The following DNAAF9 variants were observed in gnomAD, a reference collection of about 807,000 sequenced individuals.
DNAAF9 encodes the protein dynein axonemal assembly factor 9.
In DNAAF9, 90 loss-of-function variants were observed where a neutral mutation model predicts 167.0. The observed-to-expected ratio is 0.54, with a 90% confidence interval of 0.45 to 0.64. The LOEUF (loss-of-function observed/expected upper bound fraction) is 0.64, where lower values mean the gene tolerates loss of function less well. Among genes scored for constraint, DNAAF9 ranks in the 30% least tolerant of loss-of-function variants. The probability of loss-of-function intolerance (pLI) is 0.00; values close to 1 mark genes in which losing one functional copy is unlikely to be tolerated. For synonymous variants in DNAAF9, 491 were observed against 508.8 expected (o/e 0.96, Z 0.47); for missense variants, 1,315 against 1,442.2 (o/e 0.91, Z 1.43).
In DNAAF9 at chr20:3,273,911, A is replaced by G. The variant is rs191570764; in HGVS notation, c.2651-3349T>C. ...AAAAGTGTTGAGTATAATTTTTTCC[A>G]CAAGTAGTGACACATTACACTGTTC... On this transcript the variant is annotated intron_variant, in intron 29 of 36. Transcript: ENST00000252032. Among the ~76,000 whole-genome samples the G allele has an allele frequency of 2.6e-5, 4 of 152,180 alleles. No homozygotes were observed. In the East Asian group the frequency reaches 7.7e-4, roughly 29 times the overall value.
chr20:3,305,845 T>C (rs572951612), intron 20 of DNAAF9, among the ~76,000 whole-genome samples: 3 of 152,226 alleles, frequency 2.0e-5, no homozygotes, highest in Non-Finnish European at 2.9e-5. Flanking sequence ...CCAGCGACTA[T>C]CTAGGTTCAA....
At chr20:3,377,158 T>C (rs1453228209) in intron 3 of DNAAF9, among the ~76,000 whole-genome samples, 1 of 152,232 alleles carries the variant, frequency 6.6e-6, no homozygotes, top group East Asian at 1.9e-4. Flanking sequence ...GTTCTTATTA[T>C]GCAAGTAAAG....
chr20:3,321,783 G>A (rs1045306555), intron 16 of DNAAF9, among the ~76,000 whole-genome samples: 6 of 152,080 alleles, frequency 3.9e-5, no homozygotes, highest in African/African-American at 1.4e-4. Flanking sequence ...ACGCTGTCAA[G>A]ACTGGTCTCA....
chr20:3,343,861 G>C, intron 8 of DNAAF9, 130 bp from the exon 9 acceptor site: 1 of 590,308 alleles, frequency 1.7e-6, no homozygotes, highest in African/African-American at 1.9e-5. Flanking sequence ...GTGTGTGTGC[G>C]TGTGTGCATG....
chr20:3,312,427 A>C (rs773138075), intron 20 of DNAAF9, among the ~76,000 whole-genome samples: 9 of 152,008 alleles, frequency 5.9e-5, no homozygotes, highest in Non-Finnish European at 1.3e-4. Context: ...GGGGCTTTAA[A>C]AAAAAAAAAG....
chr20:3,301,691 G>A (rs1281863827), intron 21 of DNAAF9, among the ~76,000 whole-genome samples: 1 of 151,964 alleles, frequency 6.6e-6, no homozygotes, highest in Non-Finnish European at 1.5e-5. Context: ...TACTATATTA[G>A]TGTAATTTAA....
At chr20:3,258,370 T>C (rs1180503284) in intron 33 of DNAAF9, among the ~76,000 whole-genome samples, 1 of 152,114 alleles carries the variant, frequency 6.6e-6, no homozygotes, top group Non-Finnish European at 1.5e-5. Flanking sequence ...ATCTGAACCA[T>C]GATGGTTCTA....
At chr20:3,258,847 G>A (rs2068328467) in intron 33 of DNAAF9, among the ~76,000 whole-genome samples, 1 of 152,118 alleles carries the variant, frequency 6.6e-6, no homozygotes, top group African/African-American at 2.4e-5. Flanking sequence ...CTACTCCCAG[G>A]CTCCAGTTAC....
chr20:3,397,417 C>G (rs941363797), intron 1 of DNAAF9, among the ~76,000 whole-genome samples: 1 of 152,132 alleles, frequency 6.6e-6, no homozygotes, highest in African/African-American at 2.4e-5. Flanking sequence ...CTCCTGGGTT[C>G]ACACCATTCT....
At chr20:3,255,453 T>C (rs139442397) in intron 34 of DNAAF9, among the ~76,000 whole-genome samples, 169 bp from the exon 35 acceptor site, 1 of 152,152 alleles carries the variant, frequency 6.6e-6, no homozygotes, top group African/African-American at 2.4e-5. Flanking sequence ...AGAAAACCAC[T>C]TTCCCATCAC....
chr20:3,307,234 C>T lies in DNAAF9; in HGVS notation c.1679-2691G>A, dbSNP rs1056998172. 6.5e-6 allele frequency: 5 copies of T among 774,316 alleles called. No individual in the cohort carries two copies. In the African/African-American group the frequency reaches 9.5e-5, roughly 15 times the overall value. 48.0% of individuals were successfully genotyped at this position (774,316 alleles called of 1,614,324 possible). ...AGGAAGACAAATTCACAAGACAGTG[C>T]TGGAAGAGCTCATTATGGGGCATGA... On this transcript the variant is annotated intron_variant, in intron 20 of 36. Coordinates refer to ENST00000252032, the MANE Select transcript of DNAAF9 (RefSeq NM_001009984.3).
chr20:3,397,444 G>C (rs2083925355), intron 1 of DNAAF9, among the ~76,000 whole-genome samples: 1 of 151,920 alleles, frequency 6.6e-6, no homozygotes, highest in Admixed American at 6.5e-5. Context: ...TCAGCCTCCC[G>C]AGTAGCTGGG....
chr20:3,406,525 C>A (rs1429829268), intron 1 of DNAAF9, among the ~76,000 whole-genome samples: 4 of 152,160 alleles, frequency 2.6e-5, no homozygotes, highest in Non-Finnish European at 5.9e-5. Context: ...TTCCAACCTC[C>A]ACACTGCGCC....
chr20:3,401,047 G>A (rs1292950628), intron 1 of DNAAF9, among the ~76,000 whole-genome samples: 7 of 152,112 alleles, frequency 4.6e-5, no homozygotes, highest in Non-Finnish European at 7.3e-5. Flanking sequence ...TTAAGGCTGG[G>A]ACCATCTGTA....
rs1600823904 is a variant in DNAAF9 at position 3,343,852 on chromosome 20, T to C, written c.790-121A>G. ...GGAGAGTGCACAGCGTGTGTGTGTGTGTGTGTGCGTGTGTGCATGTGCGTG... is the reference window on the plus strand; with the variant it reads ...GGAGAGTGCACAGCGTGTGTGTGTGCGTGTGTGCGTGTGTGCATGTGCGTG... On this transcript the variant is annotated intron_variant, in intron 8 of 36. Coordinates refer to ENST00000252032, the MANE Select transcript of DNAAF9 (RefSeq NM_001009984.3). 2.3e-5 allele frequency: 15 copies of C among 649,862 alleles called. 1 individual carries two copies. In the East Asian group the frequency reaches 3.8e-4, roughly 16 times the overall value. The allele number at this position is 649,862 out of a possible 1,614,324, so 40.3% of individuals were successfully genotyped here.
In DNAAF9 at chr20:3,389,507, C is replaced by G. The variant is rs116908567; in HGVS notation, c.84-7001G>C. ...GTCAGCTGGGCATTGTGGCTCATGC[C>G]TGTAATTCCAACACTTTGGGAGGCT... On this transcript the variant is annotated intron_variant, in intron 1 of 36. Transcript: ENST00000252032. 6.1e-3 allele frequency among the ~76,000 whole-genome samples: 933 copies of G among 151,908 alleles called. 69 individuals carry two copies. The East Asian group carries it at 0.15, about 24-fold the overall frequency.
At chr20:3,380,931 C>T (rs2083641213) in intron 3 of DNAAF9, among the ~76,000 whole-genome samples, 1 of 152,164 alleles carries the variant, frequency 6.6e-6, no homozygotes, top group Non-Finnish European at 1.5e-5. Context: ...GAAAATAATT[C>T]CCAAAGACAG....
At chr20:3,354,557 C>T (rs2083260006) in intron 7 of DNAAF9, among the ~76,000 whole-genome samples, 1 of 152,334 alleles carries the variant, frequency 6.6e-6, no homozygotes, top group Admixed American at 6.5e-5. Flanking sequence ...GCAAAGCAGC[C>T]ACATTTGAGC....
At chr20:3,252,826 T>G (rs550884769) in intron 36 of DNAAF9, 142 bp from the exon 37 acceptor site, 3 of 639,828 alleles carry the variant, frequency 4.7e-6, no homozygotes, top group Non-Finnish European at 8.4e-6. Context: ...GATGGACTCT[T>G]TGTATATACT....
Sources: allele counts gnomAD v4.1 joint callset (sites outside exome capture counted in the v4.1 genomes callset), GRCh38; gene constraint gnomAD v4.1.1; transcripts MANE v1.5; gene names NCBI Gene and HGNC (gene_info 2026-07-23, HGNC 2026-07-21).